The following ADAMTS16 variants were observed in gnomAD, a reference collection of about 807,000 sequenced individuals.
ADAMTS16 encodes A disintegrin and metalloproteinase with thrombospondin motifs 16.
ADAMTS16 carries 94 observed loss-of-function variants against 145.8 expected under a neutral mutation model. The ratio of observed to expected loss-of-function variants is 0.64; its 90% CI spans 0.55 to 0.77. ADAMTS16 has a LOEUF of 0.77. ADAMTS16 is among the 30% of genes least tolerant of loss of function. The pLI is 0.00. For missense variants in ADAMTS16, 1,585 were observed against 1,591.5 expected (o/e 1.00, Z 0.07); for synonymous variants, 659 against 604.3 (o/e 1.09, Z -1.33).
At chr5:5,240,003 A>G (rs1437245864) in intron 16 of ADAMTS16, 78 bp downstream of exon 16, 2 of 1,554,510 alleles carry the variant, frequency 1.3e-6, no homozygotes, top group East Asian at 4.5e-5. Flanking sequence ...GGCTGTTGGC[A>G]TAATTTTAAG....
intron 10 of ADAMTS16, among the ~76,000 whole-genome samples, chr5:5,216,404 T>C (rs1736443586): frequency 6.6e-6 from 1 of 152,054 alleles, no homozygotes; most frequent in Non-Finnish European, 1.5e-5. Flanking sequence ...TTGTTTGAGT[T>C]CATTGTAGAT....
chr5:5,171,453 C>A (rs981207554), intron 3 of ADAMTS16, among the ~76,000 whole-genome samples: 13 of 152,022 alleles, frequency 8.6e-5, no homozygotes, highest in African/African-American at 3.1e-4. Context: ...TCCTTCTATA[C>A]CCAGTGTTTT....
chr5:5,303,332 G>A lies in ADAMTS16; in HGVS notation c.2854G>A (p.Val952Met), dbSNP rs757048973. ...TGGCGGGGGTGCCCAGAGCCGCCCC[G>A]TGCAGTGCACACGGCGGGTGCACTA... ...TCGGGAQSRP[V>M]QCTRRVHYDS... Residue 952 changes from valine (V) to methionine (M), a missense_variant, in exon 19 of 23, where the codon GTG (valine) becomes ATG (methionine). Val to Met is a conservative substitution (Grantham distance 21). Coordinates refer to ENST00000274181, the MANE Select transcript of ADAMTS16 (RefSeq NM_139056.4). 1.2e-5 allele frequency: 19 copies of A among 1,606,338 alleles called. No homozygotes were observed. Among genetic ancestry groups the A allele is most frequent in the African/African-American group, 2.7e-5 (2 of 74,848 alleles).
At chr5:5,288,978 G>A (rs1025250149) in intron 18 of ADAMTS16, among the ~76,000 whole-genome samples, 1 of 152,168 alleles carries the variant, frequency 6.6e-6, no homozygotes, top group Admixed American at 6.5e-5. Flanking sequence ...GCCCCATAGG[G>A]TTGTTAAGTG....
intron 21 of ADAMTS16, among the ~76,000 whole-genome samples, chr5:5,307,021 T>C (rs1247673791): frequency 6.6e-6 from 1 of 152,168 alleles, no homozygotes; most frequent in Non-Finnish European, 1.5e-5. Context: ...CTGGGCTGAA[T>C]TCCCCAGAGA....
chr5:5,307,555 C>CT (rs1250871786), intron 21 of ADAMTS16, among the ~76,000 whole-genome samples: 2 of 152,198 alleles, frequency 1.3e-5, no homozygotes, highest in Non-Finnish European at 2.9e-5. Flanking sequence ...CTCTCACTGT[C>CT]TCGCCCATCT....
chr5:5,178,378 G>A (rs936231762), intron 3 of ADAMTS16, among the ~76,000 whole-genome samples: 2 of 152,176 alleles, frequency 1.3e-5, no homozygotes, highest in African/African-American at 4.8e-5. Context: ...TGAGCTACAG[G>A]CAGGTTCCCC....
chr5:5,193,570 G>C (rs573397043), intron 8 of ADAMTS16, among the ~76,000 whole-genome samples: 1 of 152,292 alleles, frequency 6.6e-6, no homozygotes, highest in South Asian at 2.1e-4. Context: ...TGAGATATGG[G>C]AATTGGCAGT....
Position 5,262,776 on chromosome 5 carries a change from C to A in ADAMTS16, c.2782C>A (p.Pro928Thr). 1 of 1,614,020 alleles carries A rather than the reference C, an allele frequency of 6.2e-7. No individual in the cohort carries two copies. Among genetic ancestry groups the A allele is most frequent in the Non-Finnish European group, 8.5e-7 (1 of 1,179,984 alleles). ...GLVPCKVSAC[P>T]PSWSVGNWSA... The stretch of plus-strand genomic sequence containing the variant: ...GGTGCCTTGCAAAGTATCTGCCTGT[C>A]CTCCCAGGTAAGAAGCATCGCGTTC... The change falls in exon 18 of 23, where the codon CCT becomes ACT. Residue 928 changes from proline (P) to threonine (T), a missense_variant. This residue lies in a region of ADAMTS16 where 834 missense variants were observed against 811.7 expected (regional missense o/e 1.03). Coordinates refer to ENST00000274181, the MANE Select transcript of ADAMTS16 (RefSeq NM_139056.4).
chr5:5,190,037 T>C lies in ADAMTS16; in HGVS notation c.1114T>C (p.Leu372=). Residue 372 remains leucine, a synonymous_variant, in exon 7 of 23, where the codon TTG becomes CTG. Coordinates refer to ENST00000274181, the MANE Select transcript of ADAMTS16 (RefSeq NM_139056.4). The part of the protein sequence containing the change: ...LSSFCQWQSG[L]MGKDGTRHDH... ...TAGCTTCTGCCAGTGGCAGTCTGGA[T>C]TGATGGGGAAAGATGGGACTCGTCA... The C allele has an allele frequency of 1.2e-6, 2 of 1,613,208 alleles. No homozygotes were observed. Among genetic ancestry groups the C allele is most frequent in the South Asian group, 1.1e-5 (1 of 90,812 alleles).
chr5:5,294,275 A>G (rs1739443813), intron 18 of ADAMTS16, among the ~76,000 whole-genome samples: 1 of 152,216 alleles, frequency 6.6e-6, no homozygotes, highest in African/African-American at 2.4e-5. Context: ...CATCTATAAG[A>G]CTTCGAAATA....
At chr5:5,306,862 C>A in intron 21 of ADAMTS16, 134 bp downstream of exon 21, 2 of 919,950 alleles carry the variant, frequency 2.2e-6, no homozygotes, top group Non-Finnish European at 3.2e-6. Flanking sequence ...GTTTTCTTTC[C>A]AGAGCATGTG....
chr5:5,318,444 C>A (rs1013016256), intron 22 of ADAMTS16, among the ~76,000 whole-genome samples, 163 bp downstream of exon 22: 3 of 152,212 alleles, frequency 2.0e-5, no homozygotes, highest in African/African-American at 7.2e-5. Context: ...ATAGAGCAGA[C>A]CGGGCTGCCT....
rs766356500 is a variant in ADAMTS16, at chr5:5,209,235, G to A, written c.1594G>A (p.Asp532Asn). The change falls in exon 10 of 23, where the codon GAC becomes AAC. Residue 532 changes from aspartate (D) to asparagine (N), a missense_variant. Around this residue, in one of 3 missense-constraint regions of ADAMTS16, gnomAD observed 298 missense variants for 367.6 expected, o/e 0.81. Coordinates refer to ENST00000274181, the MANE Select transcript of ADAMTS16 (RefSeq NM_139056.4). ...FGEKAKLCML[D>N]FKKDICKALW... Reference sequence around the variant, plus strand: ...AGAGAAAGCCAAGCTCTGCATGCTGGACTTTAAAAAGGCAAGTGATTATTG... The same window carrying A: ...AGAGAAAGCCAAGCTCTGCATGCTGAACTTTAAAAAGGCAAGTGATTATTG... 4 of 1,613,508 alleles carry A rather than the reference G, an allele frequency of 2.5e-6. No homozygotes were observed. In the Admixed American group the frequency reaches 5.0e-5, roughly 20 times the overall value.
At chr5:5,232,114 C>T (rs1736943792) in intron 11 of ADAMTS16, among the ~76,000 whole-genome samples, 1 of 151,944 alleles carries the variant, frequency 6.6e-6, no homozygotes, top group Non-Finnish European at 1.5e-5. Flanking sequence ...TCCGGGAGAT[C>T]AGACATTTGA....
rs112559689 is a variant in ADAMTS16 at position 5,172,762 on chromosome 5, T to C, written c.502-9282T>C. ...GTAAATATCTATTAGGTTCATTTAG[T>C]CTATAATGCAGATTAATTCTAATGT... On this transcript the variant is annotated intron_variant, in intron 3 of 22. Coordinates refer to ENST00000274181, the MANE Select transcript of ADAMTS16 (RefSeq NM_139056.4). Among the ~76,000 whole-genome samples, 1,284 of 152,314 alleles carry C rather than the reference T, an allele frequency of 8.4e-3. 12 individuals carry two copies. The highest frequency in any genetic ancestry group is 0.029 in the African/African-American group (1,209 of 41,584).
At chr5:5,229,157 G>T (rs2126362051) in intron 11 of ADAMTS16, among the ~76,000 whole-genome samples, 1 of 151,708 alleles carries the variant, frequency 6.6e-6, no homozygotes, top group Middle Eastern at 3.4e-3. Context: ...AATTAGCCGG[G>T]CGCGGTGGCG....
chr5:5,300,595 C>T (rs1427172766), intron 18 of ADAMTS16, among the ~76,000 whole-genome samples: 2 of 152,128 alleles, frequency 1.3e-5, no homozygotes, highest in Non-Finnish European at 2.9e-5. Context: ...TTCTACAAAC[C>T]AAAGCAAGTA....
chr5:5,180,561 G>T (rs1052030382), intron 3 of ADAMTS16, among the ~76,000 whole-genome samples: 4 of 152,112 alleles, frequency 2.6e-5, no homozygotes, highest in Non-Finnish European at 5.9e-5. Context: ...CCTGAAGATG[G>T]TTATTGTTCC....
Sources: allele counts gnomAD v4.1 joint callset (sites outside exome capture counted in the v4.1 genomes callset), GRCh38; gene constraint gnomAD v4.1.1; regional missense constraint gnomAD v4.1.1; transcripts MANE v1.5; gene names NCBI Gene and HGNC (gene_info 2026-07-23, HGNC 2026-07-21).